SAMD5: variants seen among roughly 807,000 people sequenced by gnomAD.
SAMD5 encodes sterile alpha motif domain containing 5.
In SAMD5, 13 loss-of-function variants were observed where a neutral mutation model predicts 11.3. The ratio of observed to expected loss-of-function variants is 1.15; its 90% confidence interval spans 0.75 to 1.83. The LOEUF (loss-of-function observed/expected upper bound fraction) is 1.83. Among genes scored for constraint, SAMD5 ranks in the 40% most tolerant of loss-of-function variants. The pLI, the probability that SAMD5 is intolerant of heterozygous loss-of-function variation, is 0.00. For synonymous variants in SAMD5, 129 were observed against 111.3 expected, an observed-to-expected ratio of 1.16 and a Z score of -1.00; for missense variants, 255 against 239.1, an observed-to-expected ratio of 1.07 and a Z score of -0.44.
At chr6:147,527,424 T>C (rs1326316450) in intron 1 of SAMD5, among the ~76,000 whole-genome samples, 1 of 152,128 alleles carries the variant, frequency 6.6e-6, no homozygotes, top group Non-Finnish European at 1.5e-5. Flanking sequence ...GAGAACTCAC[T>C]ATACATTTCC....
chr6:147,646,056 A>G (rs1056301947), intron 1 of SAMD5, among the ~76,000 whole-genome samples: 2 of 110,250 alleles, frequency 1.8e-5, no homozygotes, highest in Non-Finnish European at 3.7e-5. Context: ...CTATCTATCT[A>G]TCTATCTATC....
chr6:147,718,933 C>T (rs1050046637), intron 1 of SAMD5, among the ~76,000 whole-genome samples: 5 of 152,162 alleles, frequency 3.3e-5, no homozygotes, highest in Admixed American at 2.0e-4. Flanking sequence ...TCTGGTGATC[C>T]GCCTGCCTCA....
chr6:147,829,854 G>A, the SAMD5 span, among the ~76,000 whole-genome samples: 1 of 152,180 alleles, frequency 6.6e-6, no homozygotes, highest in Non-Finnish European at 1.5e-5. Context: ...ATGAAGATGG[G>A]CTGTGTCAGG....
At chr6:147,832,212 G>A in the SAMD5 span, among the ~76,000 whole-genome samples, 1 of 152,062 alleles carries the variant, frequency 6.6e-6, no homozygotes, top group East Asian at 1.9e-4. Context: ...AAGAATTTTT[G>A]CCCTGTCTTA....
At chr6:147,549,832 A>G (rs901378204) in intron 1 of SAMD5, among the ~76,000 whole-genome samples, 2 of 152,084 alleles carry the variant, frequency 1.3e-5, no homozygotes, top group African/African-American at 4.8e-5. Flanking sequence ...GTACATTTAT[A>G]GTAACTTGCA....
the SAMD5 span, among the ~76,000 whole-genome samples, chr6:147,755,575 A>G: frequency 1.3e-5 from 2 of 152,134 alleles, no homozygotes; most frequent in Non-Finnish European, 2.9e-5. Flanking sequence ...CAATTCAACT[A>G]TATCATCCTC....
At chr6:147,684,919 T>A (rs1790988082) in intron 1 of SAMD5, among the ~76,000 whole-genome samples, 1 of 152,148 alleles carries the variant, frequency 6.6e-6, no homozygotes, top group African/African-American at 2.4e-5. Flanking sequence ...AATGAAAAAA[T>A]TAGTAAAACT....
chr6:147,735,957 T>C (rs1164332064), intron 1 of SAMD5, among the ~76,000 whole-genome samples: 1 of 152,128 alleles, frequency 6.6e-6, no homozygotes, highest in Non-Finnish European at 1.5e-5. Flanking sequence ...TTTTAAAGGC[T>C]CTTTTCTCAT....
chr6:147,819,617 G>A, the SAMD5 span, among the ~76,000 whole-genome samples: 1 of 152,336 alleles, frequency 6.6e-6, no homozygotes, highest in Non-Finnish European at 1.5e-5. Flanking sequence ...TGAGTTGTGT[G>A]TGGAGAAGCC....
chr6:147,601,938 A>G (rs1487011060), intron 1 of SAMD5, among the ~76,000 whole-genome samples: 1 of 152,192 alleles, frequency 6.6e-6, no homozygotes, highest in Non-Finnish European at 1.5e-5. Context: ...CACTTGAATT[A>G]GCACTCGATT....
At chr6:147,894,020 GA>G in the SAMD5 span, among the ~76,000 whole-genome samples, 1 of 151,702 alleles carries the variant, frequency 6.6e-6, no homozygotes, top group African/African-American at 2.4e-5. Flanking sequence ...GGTATTCCAT[GA>G]CACAGGTGTA....
chr6:147,744,921 A>ATAAATAAATAAG, the SAMD5 span, among the ~76,000 whole-genome samples: 35 of 142,638 alleles, frequency 2.5e-4, no homozygotes, highest in Admixed American at 2.2e-3. Context: ...AAATAAATAA[A>ATAAATAAATAAG]TAAGTAAGTA....
chr6:147,578,173 CTACTT>C (rs758777693), intron 1 of SAMD5, among the ~76,000 whole-genome samples: 20 of 152,166 alleles, frequency 1.3e-4, no homozygotes, highest in Non-Finnish European at 2.4e-4. Context: ...AGGTTTCTCT[CTACTT>C]TATAAATTTT....
At chr6:147,650,661 A>G (rs945034464) in intron 1 of SAMD5, among the ~76,000 whole-genome samples, 2 of 152,254 alleles carry the variant, frequency 1.3e-5, no homozygotes, top group African/African-American at 4.8e-5. Context: ...GGTTGCATCA[A>G]CGTGCAAGGG....
intron 1 of SAMD5, among the ~76,000 whole-genome samples, chr6:147,522,621 CA>C (rs1281340596): frequency 1.3e-5 from 2 of 152,118 alleles, no homozygotes; most frequent in East Asian, 3.8e-4. Flanking sequence ...AATCTTACTC[CA>C]AGACCATTAT....
chr6:147,561,470 G>A (rs775417153), intron 1 of SAMD5, among the ~76,000 whole-genome samples: 2 of 152,158 alleles, frequency 1.3e-5, no homozygotes, highest in African/African-American at 2.4e-5. Flanking sequence ...GATTACAGGC[G>A]TGAGCCACTG....
downstream of SAMD5, among the ~76,000 whole-genome samples, chr6:147,738,430 G>A (rs746604847): frequency 6.6e-6 from 1 of 152,148 alleles, no homozygotes; most frequent in East Asian, 1.9e-4. Context: ...AGCACTGTGC[G>A]CAGAAGTTCC....
chr6:147,761,409 A>C, the SAMD5 span, among the ~76,000 whole-genome samples: 1 of 152,166 alleles, frequency 6.6e-6, no homozygotes. Context: ...AGAGAAATTT[A>C]AATAAAAGAG....
chr6:147,910,046 A>C, the SAMD5 span, among the ~76,000 whole-genome samples: 1 of 152,132 alleles, frequency 6.6e-6, no homozygotes, highest in Non-Finnish European at 1.5e-5. Context: ...TAGAGCATTT[A>C]GTTTTCATAG....
Sources: gnomAD v4.1 joint callset for allele counts (sites outside exome capture counted in the v4.1 genomes callset) on GRCh38, gnomAD v4.1.1 for gene constraint, MANE v1.5 for transcripts, NCBI Gene and HGNC (gene_info 2026-07-23, HGNC 2026-07-21) for gene names.